ERC2: variants seen among roughly 807,000 people sequenced by gnomAD.
The protein encoded by ERC2 is ERC protein 2.
Under a neutral mutation model 114.8 loss-of-function variants are expected in ERC2, and 42 were observed. The ratio of observed to expected loss-of-function variants is 0.37; its 90% CI spans 0.29 to 0.47. The LOEUF is 0.47. ERC2 is among the 20% of genes least tolerant of loss of function. The pLI is 0.99. For synonymous variants in ERC2, 454 were observed against 425.5 expected (o/e 1.07, Z -0.82); for missense variants, 939 against 1,150.7 (o/e 0.82, Z 2.66).
chr3:55,653,049 C>T (rs2060705681), intron 17 of ERC2, among the ~76,000 whole-genome samples: 1 of 152,024 alleles, frequency 6.6e-6, no homozygotes, highest in African/African-American at 2.4e-5. Flanking sequence ...CACTCATCTA[C>T]CAAGTTGGGC....
chr3:55,901,315 A>T lies in ERC2; in HGVS notation c.2404-12766T>A, dbSNP rs112389233. ...TTATAGTTCTACAGGTCAGAAGTCTAGGCAAGGTGTGACTGGGGTCTCCAC... is the reference window on the plus strand; with the variant it reads ...TTATAGTTCTACAGGTCAGAAGTCTTGGCAAGGTGTGACTGGGGTCTCCAC... On this transcript the variant is annotated intron_variant, in intron 13 of 17. Coordinates refer to ENST00000288221, the MANE Select transcript of ERC2 (RefSeq NM_015576.3). Among the ~76,000 whole-genome samples, 862 of 152,334 alleles carry T rather than the reference A, an allele frequency of 5.7e-3. 13 individuals carry two copies. Among genetic ancestry groups the T allele is most frequent in the African/African-American group, 0.02 (827 of 41,580 alleles).
rs369451798 is a variant in ERC2, at chr3:55,733,451, T to TTC, written c.2712+1318_2712+1319dup. ...TCTCTCTCATTCTCTCTGTCTCTCA[T>TTC]TCTCTCTCTCTCTCACACACACACA... is the stretch of plus-strand genomic sequence containing the variant. On this transcript the variant is annotated intron_variant, in intron 15 of 17. Transcript: ENST00000288221. 5.5e-3 allele frequency among the ~76,000 whole-genome samples: 532 copies of TTC among 96,538 alleles called. 25 individuals are homozygous for TTC. The highest frequency in any genetic ancestry group is 0.014 in the African/African-American group (363 of 26,750). 63.3% of individuals were successfully genotyped at this position (96,538 alleles called of 152,430 possible). A position where few individuals can be genotyped will look rare whatever the true frequency, so the allele number is the denominator to read the frequency against.
chr3:55,937,178 T>C (rs2066497549), intron 13 of ERC2, among the ~76,000 whole-genome samples: 1 of 152,084 alleles, frequency 6.6e-6, no homozygotes, highest in Non-Finnish European at 1.5e-5. Context: ...TTGTCTCTAC[T>C]AAAAATACAA....
intron 1 of ERC2, among the ~76,000 whole-genome samples, chr3:56,463,152 G>A (rs991803016): frequency 6.6e-6 from 1 of 152,130 alleles, no homozygotes; most frequent in Non-Finnish European, 1.5e-5. Flanking sequence ...CACTTGAGCC[G>A]GGGAAGTCAA....
rs192824107 is a variant in ERC2, at chr3:56,329,309, T to C, written c.658-32874A>G. 3.6e-3 allele frequency among the ~76,000 whole-genome samples: 548 copies of C among 152,304 alleles called. 3 individuals are homozygous for C. The highest frequency in any genetic ancestry group is 4.9e-3 in the Non-Finnish European group (332 of 68,032). On this transcript the variant is annotated intron_variant, in intron 2 of 17. Coordinates refer to ENST00000288221, the MANE Select transcript of ERC2 (RefSeq NM_015576.3). ...GTTGAGAACAGTGCACGAAAAGTAC[T>C]ATTTTGTTTCTCAATTTTTAAAGAA... is the stretch of plus-strand genomic sequence containing the variant.
intron 16 of ERC2, among the ~76,000 whole-genome samples, chr3:55,695,020 C>T (rs1409239062): frequency 6.6e-6 from 1 of 151,964 alleles, no homozygotes; most frequent in East Asian, 1.9e-4. Context: ...TTGTATGATG[C>T]CTAGAAAAAG....
chr3:56,248,361 T>C (rs1201141810), intron 3 of ERC2, among the ~76,000 whole-genome samples: 1 of 152,228 alleles, frequency 6.6e-6, no homozygotes, highest in African/African-American at 2.4e-5. Context: ...CCCAAACTGC[T>C]AGGATTACAG....
intron 15 of ERC2, among the ~76,000 whole-genome samples, chr3:55,725,515 A>G (rs2064857598): frequency 6.6e-6 from 1 of 152,214 alleles, no homozygotes; most frequent in Non-Finnish European, 1.5e-5. Context: ...CTGCAACAAA[A>G]AAAAATAGCA....
chr3:55,816,742 T>C (rs1388972475), intron 14 of ERC2, among the ~76,000 whole-genome samples: 1 of 151,890 alleles, frequency 6.6e-6, no homozygotes, highest in African/African-American at 2.4e-5. Flanking sequence ...TCTACAGAAC[T>C]ATTTTATCTG....
At chr3:55,831,778 T>A (rs949470703) in intron 14 of ERC2, among the ~76,000 whole-genome samples, 25 of 152,048 alleles carry the variant, frequency 1.6e-4, no homozygotes, top group African/African-American at 5.6e-4. Context: ...CAACGCACCG[T>A]GTGTGAGTCG....
rs1174064203 is a variant in ERC2, at chr3:56,385,357, T to A, written c.657+48994A>T. Among the ~76,000 whole-genome samples the A allele has an allele frequency of 2.0e-5, 3 of 152,088 alleles. No homozygotes were observed. In the East Asian group the frequency reaches 5.8e-4, roughly 29 times the overall value. ...CTAATTCCATTCATGAGGGCTCTGC[T>A]GTCATAATCCAATCACTTCCCAAAG... On this transcript the variant is annotated intron_variant, in intron 2 of 17. Coordinates refer to ENST00000288221, the MANE Select transcript of ERC2 (RefSeq NM_015576.3).
chr3:55,851,993 G>A (rs553430583), intron 14 of ERC2, among the ~76,000 whole-genome samples: 23 of 152,292 alleles, frequency 1.5e-4, no homozygotes, highest in African/African-American at 5.1e-4. Context: ...GAGGCCAGGC[G>A]GGTGGATCAC....
chr3:56,100,731 A>G (rs1355689593), intron 6 of ERC2, among the ~76,000 whole-genome samples: 1 of 152,216 alleles, frequency 6.6e-6, no homozygotes, highest in East Asian at 1.9e-4. Flanking sequence ...GGGATAGGGC[A>G]TGCTCCCATG....
chr3:55,896,760 G>C (rs1395086076), intron 13 of ERC2, among the ~76,000 whole-genome samples: 1 of 152,124 alleles, frequency 6.6e-6, no homozygotes, highest in Admixed American at 6.5e-5. Context: ...ACATTGGCTT[G>C]GTGTTACATA....
chr3:55,850,746 A>G (rs754587384), intron 14 of ERC2, among the ~76,000 whole-genome samples: 1 of 152,004 alleles, frequency 6.6e-6, no homozygotes, highest in Non-Finnish European at 1.5e-5. Context: ...GTTGTTCCCT[A>G]TGGCACCTTA....
intron 4 of ERC2, among the ~76,000 whole-genome samples, chr3:56,153,182 G>A (rs971955440): frequency 6.6e-6 from 1 of 152,012 alleles, no homozygotes; most frequent in African/African-American, 2.4e-5. Context: ...CAAATACATA[G>A]GGCACCTATT....
intron 14 of ERC2, among the ~76,000 whole-genome samples, chr3:55,747,685 C>T (rs2066395313): frequency 6.6e-6 from 1 of 152,214 alleles, no homozygotes; most frequent in Non-Finnish European, 1.5e-5. Context: ...ATACATGTGG[C>T]CATTGCCTTT....
chr3:55,723,709 A>C (rs1321240577), intron 15 of ERC2, among the ~76,000 whole-genome samples: 1 of 152,216 alleles, frequency 6.6e-6, no homozygotes, highest in Non-Finnish European at 1.5e-5. Context: ...AAATCCTGAT[A>C]CTATTATTTG....
chr3:55,688,998 G>A (rs756521906), intron 16 of ERC2, among the ~76,000 whole-genome samples: 3 of 152,112 alleles, frequency 2.0e-5, no homozygotes, highest in African/African-American at 7.2e-5. Context: ...TGGTGAAAGC[G>A]AAACTTCATT....
Sources: gnomAD v4.1 joint callset for allele counts (sites outside exome capture counted in the v4.1 genomes callset) on GRCh38, gnomAD v4.1.1 for gene constraint, MANE v1.5 for transcripts, NCBI Gene and HGNC (gene_info 2026-07-23, HGNC 2026-07-21) for gene names.